IDE: variants seen among roughly 807,000 people sequenced by gnomAD.
IDE encodes insulin-degrading enzyme.
In IDE, 58 loss-of-function variants were observed where a neutral mutation model predicts 133.2. That is an observed-to-expected ratio of 0.44 (90% CI 0.35 to 0.54). The LOEUF is 0.54. Among genes scored for constraint, IDE ranks in the 20% least tolerant of loss-of-function variants. The pLI is 0.00. For missense variants in IDE, 981 were observed against 1,234.0 expected (o/e 0.79, Z 3.07); for synonymous variants, 396 against 421.3 (o/e 0.94, Z 0.73).
intron 5 of IDE, among the ~76,000 whole-genome samples, chr10:92,510,705 TATG>T (rs1349244832): frequency 1.3e-5 from 2 of 151,680 alleles, no homozygotes; most frequent in South Asian, 2.1e-4. Context: ...ATCTCACATA[TATG>T]ATATATATCA....
chr10:92,464,339 A>G (rs868864117), intron 20 of IDE, among the ~76,000 whole-genome samples: 1 of 152,276 alleles, frequency 6.6e-6, no homozygotes, highest in South Asian at 2.1e-4. Context: ...AAAATGCTGG[A>G]CTCATTTTCA....
chr10:92,541,614 C>T (rs1049842273), intron 1 of IDE, among the ~76,000 whole-genome samples: 5 of 152,128 alleles, frequency 3.3e-5, no homozygotes, highest in African/African-American at 1.2e-4. Flanking sequence ...ACACTGGAAA[C>T]TTCATAAGGC....
intron 1 of IDE, among the ~76,000 whole-genome samples, chr10:92,549,143 A>T (rs1842667509): frequency 6.6e-6 from 1 of 152,106 alleles, no homozygotes; most frequent in Admixed American, 6.6e-5. Flanking sequence ...CTGTAATCCC[A>T]GCTACTCGGG....
intron 1 of IDE, among the ~76,000 whole-genome samples, chr10:92,542,158 C>T (rs906040064): frequency 6.6e-6 from 1 of 152,084 alleles, no homozygotes; most frequent in African/African-American, 2.4e-5. Flanking sequence ...GATATAAAAA[C>T]AGGTCATTAT....
At chr10:92,457,086 A>AT (rs1443142700) in intron 22 of IDE, among the ~76,000 whole-genome samples, 1 of 151,970 alleles carries the variant, frequency 6.6e-6, no homozygotes, top group African/African-American at 2.4e-5. Flanking sequence ...CCTACAGCTA[A>AT]TAAGTGCCTG....
intron 1 of IDE, among the ~76,000 whole-genome samples, chr10:92,544,336 C>T (rs1842445349): frequency 6.6e-6 from 1 of 152,036 alleles, no homozygotes; most frequent in Admixed American, 6.6e-5. Flanking sequence ...TTCATTTAAT[C>T]CTTCCATTCT....
intron 19 of IDE, among the ~76,000 whole-genome samples, chr10:92,466,377 T>C (rs1390642467): frequency 6.6e-6 from 1 of 151,766 alleles, no homozygotes; most frequent in African/African-American, 2.4e-5. Context: ...AGTGAAGTGG[T>C]GCCATCTCAG....
intron 1 of IDE, among the ~76,000 whole-genome samples, chr10:92,571,763 T>C (rs965078146): frequency 1.8e-4 from 27 of 152,240 alleles, no homozygotes; most frequent in African/African-American, 6.5e-4. Context: ...TGTTTGCAAA[T>C]ACATAACAGT....
At chr10:92,498,982 T>A (rs1428336928) in intron 11 of IDE, among the ~76,000 whole-genome samples, 1 of 152,132 alleles carries the variant, frequency 6.6e-6, no homozygotes, top group African/African-American at 2.4e-5. Context: ...CCCCTGGAAA[T>A]ATAGGTACAC....
intron 11 of IDE, among the ~76,000 whole-genome samples, chr10:92,493,247 T>G (rs1198863925): frequency 6.6e-6 from 1 of 152,172 alleles, no homozygotes; most frequent in Non-Finnish European, 1.5e-5. Context: ...CTATGAAGAC[T>G]CAGGCCTAGG....
At chr10:92,469,418 G>C (rs952911686) in intron 18 of IDE, among the ~76,000 whole-genome samples, 5 of 152,028 alleles carry the variant, frequency 3.3e-5, no homozygotes. Flanking sequence ...GAGTGGTAGA[G>C]ACCAAGGGAT....
intron 18 of IDE, among the ~76,000 whole-genome samples, 157 bp downstream of exon 18, chr10:92,470,097 C>T (rs1001237700): frequency 6.6e-6 from 1 of 152,194 alleles, no homozygotes; most frequent in Non-Finnish European, 1.5e-5. Context: ...ATTCTACTTT[C>T]CCTGTGCCCT....
Position 92,501,848 on chromosome 10 carries a change from G to A in IDE, c.1430+2946C>T, listed in dbSNP as rs1848040725. On this transcript the variant is annotated intron_variant, in intron 11 of 24. Coordinates refer to ENST00000265986, the MANE Select transcript of IDE (RefSeq NM_004969.4). ...AAATTAGCCAGGTGTGGTGGCGGGT[G>A]CCTGTAATCCCAGCTACTCAGGAGG... Among the ~76,000 whole-genome samples, 10 of 152,030 alleles carry A rather than the reference G, an allele frequency of 6.6e-5. No individual in the cohort carries two copies. In the South Asian group the frequency reaches 1.5e-3, roughly 22 times the overall value.
At chr10:92,551,291 TG>T (rs1842764843) in intron 1 of IDE, among the ~76,000 whole-genome samples, 1 of 152,150 alleles carries the variant, frequency 6.6e-6, no homozygotes, top group African/African-American at 2.4e-5. Context: ...ATAAGCTGGC[TG>T]GGTGCAGTGG....
At position 92,454,519 on chromosome 10, in the gene IDE, C is replaced by A; in HGVS notation, c.2985G>T (p.Met995Ile). Residue 995 changes from methionine to isoleucine, a missense_variant, in exon 25 of 25, where the codon ATG (methionine) becomes ATT (isoleucine). Met to Ile is a conservative substitution (Grantham distance 10). This residue lies in a region of IDE where 660 missense variants were observed against 894.7 expected (regional missense o/e 0.74). Coordinates refer to ENST00000265986, the MANE Select transcript of IDE (RefSeq NM_004969.4). ...GTGGCAGACCACGCTTGAATTCGGTCATGTTCTGAATCACTTCAGGCTGCA... is the reference window on the plus strand; with the variant it reads ...GTGGCAGACCACGCTTGAATTCGGTAATGTTCTGAATCACTTCAGGCTGCA... ...ALPQPEVIQN[M>I]TEFKRGLPLF... 1 of 1,613,722 alleles carries A rather than the reference C, an allele frequency of 6.2e-7. No individual in the cohort carries two copies. Among genetic ancestry groups the A allele is most frequent in the South Asian group, 1.1e-5 (1 of 91,048 alleles).
chr10:92,499,610 T>A (rs561082599), intron 11 of IDE, among the ~76,000 whole-genome samples: 1 of 151,806 alleles, frequency 6.6e-6, no homozygotes, highest in Non-Finnish European at 1.5e-5. Flanking sequence ...TTTGCATACT[T>A]TTTTAGAGAT....
chr10:92,571,281 T>C (rs763375188), intron 1 of IDE, among the ~76,000 whole-genome samples: 2 of 152,104 alleles, frequency 1.3e-5, no homozygotes. Context: ...TGTCAAAGTG[T>C]TGGGATTACA....
chr10:92,551,749 T>C (rs1284256575), intron 1 of IDE, among the ~76,000 whole-genome samples: 1 of 151,834 alleles, frequency 6.6e-6, no homozygotes, highest in Non-Finnish European at 1.5e-5. Flanking sequence ...GAGTTTCAGT[T>C]TGGTGAGATG....
chr10:92,461,434 A>G (rs1386001546), intron 21 of IDE, among the ~76,000 whole-genome samples, 182 bp from the exon 22 acceptor site: 1 of 151,998 alleles, frequency 6.6e-6, no homozygotes, highest in Non-Finnish European at 1.5e-5. Context: ...GGCTCACTGC[A>G]ACCTCTGCCT....
Sources: allele counts gnomAD v4.1 joint callset (sites outside exome capture counted in the v4.1 genomes callset), GRCh38; gene constraint gnomAD v4.1.1; regional missense constraint gnomAD v4.1.1; transcripts MANE v1.5; gene names NCBI Gene and HGNC (gene_info 2026-07-23, HGNC 2026-07-21).